The following PGAP1 variants were observed in gnomAD, a reference collection of about 807,000 sequenced individuals.
PGAP1 encodes the protein post-GPI attachment to proteins inositol deacylase 1.
A neutral mutation model predicts 127.0 loss-of-function variants in PGAP1; 76 were observed. The ratio of observed to expected loss-of-function variants is 0.60; its 90% CI spans 0.50 to 0.72. PGAP1 has a LOEUF of 0.72. Ranked by LOEUF, PGAP1 falls within the 30% of genes least tolerant of loss-of-function variation. The pLI is 0.00. For missense variants in PGAP1, 982 were observed against 1,071.3 expected, an observed-to-expected ratio of 0.92 and a Z score of 1.16; for synonymous variants, 362 against 366.5, an observed-to-expected ratio of 0.99 and a Z score of 0.14.
chr2:196,891,237 C>G (rs1702091368), intron 9 of PGAP1, among the ~76,000 whole-genome samples: 1 of 152,014 alleles, frequency 6.6e-6, no homozygotes, highest in African/African-American at 2.4e-5. Context: ...AAATGCCAAC[C>G]CAATAGTCAC....
intron 20 of PGAP1, among the ~76,000 whole-genome samples, chr2:196,857,706 T>C (rs530769734): frequency 1.3e-5 from 2 of 152,208 alleles, no homozygotes; most frequent in East Asian, 1.9e-4. Flanking sequence ...GTATGCTTGA[T>C]AATAAAACTA....
At chr2:196,891,834 C>A (rs2125818468) in intron 9 of PGAP1, among the ~76,000 whole-genome samples, 1 of 151,878 alleles carries the variant, frequency 6.6e-6, no homozygotes, top group Admixed American at 6.6e-5. Context: ...GCTAACATCA[C>A]AAAAAGAGAG....
intron 2 of PGAP1, among the ~76,000 whole-genome samples, chr2:196,916,907 C>T (rs1206478628): frequency 2.0e-5 from 3 of 152,144 alleles, no homozygotes; most frequent in African/African-American, 7.2e-5. Flanking sequence ...AAGAATAAGA[C>T]ATATAAATTT....
chr2:196,847,396 A>T (rs930239795), intron 21 of PGAP1, 196 bp from the exon 22 acceptor site: 1 of 457,920 alleles, frequency 2.2e-6, no homozygotes, highest in Non-Finnish European at 3.8e-6. Context: ...CTGATCTTTG[A>T]AGATCTGCAT....
intron 20 of PGAP1, among the ~76,000 whole-genome samples, chr2:196,858,548 C>T (rs1228142824): frequency 1.3e-5 from 2 of 151,956 alleles, no homozygotes; most frequent in African/African-American, 4.8e-5. Context: ...GAGGAGAGTT[C>T]ATAGCAATAC....
intron 20 of PGAP1, among the ~76,000 whole-genome samples, chr2:196,851,387 G>A (rs995885503): frequency 3.3e-5 from 5 of 152,038 alleles, no homozygotes; most frequent in African/African-American, 1.2e-4. Context: ...CACCACCCTT[G>A]TTATGGATCC....
At chr2:196,905,665 A>C (rs6434888) in intron 4 of PGAP1, among the ~76,000 whole-genome samples, 15,226 of 151,188 alleles carry the variant, frequency 0.1, 897 homozygotes, top group African/African-American at 0.17. Context: ...AAGACGGGTG[A>C]TTTCTGCATT....
chr2:196,920,300 T>A, intron 1 of PGAP1, 150 bp from the exon 2 acceptor site: 1 of 654,102 alleles, frequency 1.5e-6, no homozygotes, highest in Non-Finnish European at 2.5e-6. Context: ...CAAAACAAGT[T>A]CTACTTGTAG....
intron 20 of PGAP1, among the ~76,000 whole-genome samples, chr2:196,853,776 T>C (rs1272729848): frequency 1.3e-5 from 2 of 152,164 alleles, no homozygotes; most frequent in African/African-American, 2.4e-5. Flanking sequence ...TTTACATCCA[T>C]ACAACTTTCT....
chr2:196,851,849 T>C (rs1700731185), intron 20 of PGAP1, among the ~76,000 whole-genome samples: 1 of 152,204 alleles, frequency 6.6e-6, no homozygotes, highest in Non-Finnish European at 1.5e-5. Context: ...TGGCAAGTCT[T>C]TCCTGGTTTA....
intron 19 of PGAP1, among the ~76,000 whole-genome samples, chr2:196,869,772 T>C (rs1213031713): frequency 6.6e-6 from 1 of 152,246 alleles, no homozygotes; most frequent in East Asian, 1.9e-4. Flanking sequence ...AAATTAATAA[T>C]GATCATAATC....
rs192509656 is a variant in PGAP1, at chr2:196,923,699, C to T, written c.147+2771G>A. On this transcript the variant is annotated intron_variant, in intron 1 of 26. Coordinates refer to ENST00000354764, the MANE Select transcript of PGAP1 (RefSeq NM_024989.4). ...TTTTTTTGAGACAGAGTCTCACTGT[C>T]GCCCCGCCTGGAGTGAAATGGCACA... Among the ~76,000 whole-genome samples the T allele has an allele frequency of 4.1e-3, 601 of 148,174 alleles. 5 individuals carry two copies. The highest frequency in any genetic ancestry group is 0.014 in the African/African-American group (558 of 40,012).
At chr2:196,856,321 A>C (rs1189195366) in intron 20 of PGAP1, among the ~76,000 whole-genome samples, 1 of 152,150 alleles carries the variant, frequency 6.6e-6, no homozygotes. Context: ...CCCAGCCCTC[A>C]AGGTTTTTAA....
intron 10 of PGAP1, among the ~76,000 whole-genome samples, chr2:196,887,311 G>C (rs1701944338): frequency 1.3e-5 from 2 of 152,120 alleles, no homozygotes; most frequent in South Asian, 4.1e-4. Flanking sequence ...ATGAACCTGG[G>C]AGGCGGAGCT....
At chr2:196,903,430 G>A (rs555127843) in intron 4 of PGAP1, among the ~76,000 whole-genome samples, 1 of 151,662 alleles carries the variant, frequency 6.6e-6, no homozygotes, top group South Asian at 2.1e-4. Flanking sequence ...GCATGGTGGT[G>A]CGCACCTGTA....
intron 8 of PGAP1, 87 bp downstream of exon 8, chr2:196,893,053 C>G: frequency 1.5e-6 from 1 of 663,776 alleles, no homozygotes; most frequent in South Asian, 2.1e-5. Context: ...ATCACAGTTT[C>G]AAAGATTTTG....
chr2:196,846,125 A>C (rs1240641747), intron 22 of PGAP1, 108 bp from the exon 23 acceptor site: 1 of 571,986 alleles, frequency 1.7e-6, no homozygotes, highest in African/African-American at 1.9e-5. Context: ...GCTTATATGC[A>C]AATACATAAG....
intron 6 of PGAP1, 63 bp downstream of exon 6, chr2:196,898,254 T>C (rs1256886090): frequency 2.7e-6 from 3 of 1,106,286 alleles, no homozygotes; most frequent in South Asian, 1.4e-5. Context: ...ATTAAATTAC[T>C]GCATTGAGGA....
At chr2:196,855,174 A>C (rs1022104648) in intron 20 of PGAP1, among the ~76,000 whole-genome samples, 2 of 151,942 alleles carry the variant, frequency 1.3e-5, no homozygotes, top group Non-Finnish European at 2.9e-5. Flanking sequence ...AATACAAAAA[A>C]AATTAGCTGG....
Sources: allele counts gnomAD v4.1 joint callset (sites outside exome capture counted in the v4.1 genomes callset), GRCh38; gene constraint gnomAD v4.1.1; transcripts MANE v1.5; gene names NCBI Gene and HGNC (gene_info 2026-07-23, HGNC 2026-07-21).